TRIM16: variants seen among roughly 807,000 people sequenced by gnomAD.
TRIM16 encodes the protein tripartite motif-containing protein 16.
TRIM16 carries 33 observed loss-of-function variants against 50.4 expected under a neutral mutation model. The ratio of observed to expected loss-of-function variants is 0.65; its 90% CI spans 0.50 to 0.88. The LOEUF is 0.88. TRIM16 is among the 40% of genes least tolerant of loss of function. The probability of loss-of-function intolerance (pLI) is 0.00; values close to 1 mark genes in which losing one functional copy is unlikely to be tolerated. For synonymous variants in TRIM16, 229 were observed against 270.7 expected, an observed-to-expected ratio of 0.85 and a Z score of 1.51; for missense variants, 581 against 686.8, an observed-to-expected ratio of 0.85 and a Z score of 1.72.
intron 6 of TRIM16, among the ~76,000 whole-genome samples, chr17:15,666,734 C>G (rs1237829805): frequency 6.6e-6 from 1 of 152,226 alleles, no homozygotes; most frequent in Admixed American, 6.5e-5. Context: ...TGTCATGGTG[C>G]GTATCAGTAG....
At position 15,638,178 on chromosome 17, in the gene TRIM16, T is replaced by G. The variant is rs1339483804; in HGVS notation, c.616-1909A>C. On this transcript the variant is annotated intron_variant, in intron 8 of 11. Transcript: ENST00000649191. ...TGTTCACTTGTTTATCTGCTGACCTTCCCTCCACTATTGTCCCATGACCCT... is the reference window on the plus strand; with the variant it reads ...TGTTCACTTGTTTATCTGCTGACCTGCCCTCCACTATTGTCCCATGACCCT... Among the ~76,000 whole-genome samples the G allele has an allele frequency of 3.5e-3, 437 of 124,872 alleles. 12 individuals carry two copies. Among genetic ancestry groups the G allele is most frequent in the African/African-American group, 0.013 (410 of 30,812 alleles). 81.9% of individuals were successfully genotyped at this position (124,872 alleles called of 152,430 possible). A position where few individuals can be genotyped will look rare whatever the true frequency, so the allele number is the denominator to read the frequency against.
chr17:15,641,753 GATGA>G (rs1196464881), intron 8 of TRIM16, among the ~76,000 whole-genome samples: 1 of 148,242 alleles, frequency 6.7e-6, no homozygotes, highest in Non-Finnish European at 1.5e-5. Flanking sequence ...ATTAGGGGTA[GATGA>G]ATGGATGGAT....
intron 6 of TRIM16, 25 bp downstream of exon 6, chr17:15,677,151 T>C: frequency 1.2e-5 from 12 of 984,778 alleles, no homozygotes; most frequent in Non-Finnish European, 1.4e-5. Context: ...TTTCTAAAGA[T>C]GCAATCTGCC....
intron 6 of TRIM16, among the ~76,000 whole-genome samples, chr17:15,664,454 C>T (rs930232656): frequency 6.6e-6 from 1 of 152,164 alleles, no homozygotes; most frequent in Non-Finnish European, 1.5e-5. Flanking sequence ...GTAATCCCAG[C>T]ATTCTAGGAG....
chr17:15,631,472 T>C, intron 11 of TRIM16, 147 bp downstream of exon 11: 1 of 706,836 alleles, frequency 1.4e-6, no homozygotes, highest in Non-Finnish European at 2.3e-6. Context: ...AAAAAATTGT[T>C]TAAATTAAAT....
In TRIM16 at chr17:15,638,329, T is replaced by C. The variant is rs960653309; in HGVS notation, c.616-2060A>G. ...GGCTCATGCCTGTAATCTCAGCACT[T>C]TGGGAGGCTGAGGTGGGCAGATCAT... is the stretch of plus-strand genomic sequence containing the variant. On this transcript the variant is annotated intron_variant, in intron 8 of 11. Coordinates refer to ENST00000649191, the MANE Select transcript of TRIM16 (RefSeq NM_001348119.1). Among the ~76,000 whole-genome samples, 4 of 147,376 alleles carry C rather than the reference T, an allele frequency of 2.7e-5. 1 individual carries two copies. Among genetic ancestry groups the C allele is most frequent in the African/African-American group, 1.0e-4 (4 of 39,326 alleles).
At chr17:15,659,288 CTCTTT>C (rs1192490493) in intron 6 of TRIM16, among the ~76,000 whole-genome samples, 1 of 152,202 alleles carries the variant, frequency 6.6e-6, no homozygotes, top group African/African-American at 2.4e-5. Flanking sequence ...TTCTAGGGTT[CTCTTT>C]TGTCTTCCAG....
At chr17:15,670,567 C>G (rs887173611) in intron 6 of TRIM16, among the ~76,000 whole-genome samples, 11 of 152,170 alleles carry the variant, frequency 7.2e-5, no homozygotes, top group African/African-American at 2.4e-4. Flanking sequence ...ATCATTTAAC[C>G]TTTCCAGATC....
intron 11 of TRIM16, 51 bp downstream of exon 11, chr17:15,631,568 G>C (rs1986420095): frequency 6.3e-7 from 1 of 1,592,714 alleles, no homozygotes; most frequent in Non-Finnish European, 8.6e-7. Flanking sequence ...ACTTAGCAAA[G>C]CACTGCACTG....
At chr17:15,683,343 A>G in intron 1 of TRIM16, 186 bp from the exon 2 acceptor site, 2 of 519,164 alleles carry the variant, frequency 3.9e-6, no homozygotes, top group Non-Finnish European at 6.9e-6. Flanking sequence ...CAGTACCTTT[A>G]TACCACTAGG....
rs1422711211 is a variant in TRIM16, at chr17:15,629,156, T to C, written c.1154A>G (p.Tyr385Cys). Residue 385 changes from tyrosine to cysteine, a missense_variant, in exon 12 of 12, where the codon TAT becomes TGT. Tyr to Cys is a radical substitution (Grantham distance 194). Coordinates refer to ENST00000649191, the MANE Select transcript of TRIM16 (RefSeq NM_001348119.1). The part of the protein sequence containing the change: ...ITFDPDTAHK[Y>C]LRLQEENRKV... ...GCGGTTCTCCTCCTGCAGCCGGAGA[T>C]ACTTGTGTGCTGTGTCCGGGTCAAA... 3 of 1,612,688 alleles carry C rather than the reference T, an allele frequency of 1.9e-6. No individual in the cohort carries two copies. The South Asian group carries it at 3.3e-5, about 18-fold the overall frequency.
chr17:15,634,646 AC>A (rs1986635192), intron 9 of TRIM16, among the ~76,000 whole-genome samples: 3 of 128,908 alleles, frequency 2.3e-5, no homozygotes, highest in African/African-American at 3.9e-5. Flanking sequence ...AAAAAAAAAA[AC>A]AAATAAAAAT....
chr17:15,659,456 C>T (rs1988122851), intron 6 of TRIM16, among the ~76,000 whole-genome samples: 1 of 152,138 alleles, frequency 6.6e-6, no homozygotes. Flanking sequence ...TTGACCACAT[C>T]TCAAATGACT....
chr17:15,680,937 G>A lies in TRIM16; in HGVS notation c.-662C>T, dbSNP rs951023506. 113 of 1,535,176 alleles carry A rather than the reference G, an allele frequency of 7.4e-5. No individual in the cohort carries two copies. The highest frequency in any genetic ancestry group is 9.7e-5 in the Non-Finnish European group (111 of 1,142,158). On this transcript the variant is annotated 5_prime_UTR_variant, in exon 4 of 12. Coordinates refer to ENST00000649191, the MANE Select transcript of TRIM16 (RefSeq NM_001348119.1). ...GATACCCCTTTTGGGAAAGGGCAGG[G>A]TCCTCAGAGGGCAGAACTGGAAGGA...
intron 9 of TRIM16, 56 bp downstream of exon 9, chr17:15,635,980 G>C: frequency 3.1e-6 from 5 of 1,592,692 alleles, no homozygotes; most frequent in Non-Finnish European, 4.3e-6. Context: ...GCCTAGCAAA[G>C]AGAGGGTGCT....
chr17:15,674,844 T>G (rs1699990697), intron 6 of TRIM16, among the ~76,000 whole-genome samples: 1 of 152,030 alleles, frequency 6.6e-6, no homozygotes, highest in East Asian at 1.9e-4. Flanking sequence ...CACAAAACAG[T>G]GGGATGAGGT....
intron 6 of TRIM16, among the ~76,000 whole-genome samples, chr17:15,663,824 C>T (rs1447605743): frequency 6.6e-6 from 1 of 152,146 alleles, no homozygotes; most frequent in Non-Finnish European, 1.5e-5. Context: ...CTCCGCTTGC[C>T]CACCCCGGGT....
intron 6 of TRIM16, among the ~76,000 whole-genome samples, chr17:15,664,025 T>C (rs1988364942): frequency 6.6e-6 from 1 of 152,136 alleles, no homozygotes; most frequent in Non-Finnish European, 1.5e-5. Context: ...AAAATGAAGT[T>C]AACACTTGGT....
intron 6 of TRIM16, among the ~76,000 whole-genome samples, chr17:15,670,866 G>T (rs2151420311): frequency 6.6e-6 from 1 of 152,348 alleles, no homozygotes; most frequent in African/African-American, 2.4e-5. Context: ...TTTTGTTTTT[G>T]TCAGTGTGCA....
Sources: allele counts gnomAD v4.1 joint callset (sites outside exome capture counted in the v4.1 genomes callset), GRCh38; gene constraint gnomAD v4.1.1; transcripts MANE v1.5; gene names NCBI Gene and HGNC (gene_info 2026-07-23, HGNC 2026-07-21).